Variants in HDX observed in about 807,000 individuals in gnomAD.
HDX encodes the protein chromosome X open reading frame 43.
Under a neutral mutation model 45.2 loss-of-function variants are expected in HDX, and 19 were observed. The ratio of observed to expected loss-of-function variants is 0.42; its 90% CI spans 0.29 to 0.62. The LOEUF (loss-of-function observed/expected upper bound fraction) is 0.62, where lower values mean the gene tolerates loss of function less well. Ranked by LOEUF, HDX falls within the 20% of genes least tolerant of loss-of-function variation. The probability of loss-of-function intolerance (pLI) is 0.20; values close to 1 mark genes in which losing one functional copy is unlikely to be tolerated. For synonymous variants in HDX, 188 were observed against 172.8 expected, an observed-to-expected ratio of 1.09 and a Z score of -0.69; for missense variants, 532 against 493.9, an observed-to-expected ratio of 1.08 and a Z score of -0.73.
intron 5 of HDX, among the ~76,000 whole-genome samples, chrX:84,413,798 C>T (rs1162018044): frequency 9.0e-6 from 1 of 111,070 alleles, no homozygotes; most frequent in Non-Finnish European, 1.9e-5. Context: ...ACTGAGATTC[C>T]TAGAAATCTT....
chrX:84,325,793 C>A (rs1372928696), intron 10 of HDX, among the ~76,000 whole-genome samples: 3 of 111,429 alleles, frequency 2.7e-5, no homozygotes, highest in Non-Finnish European at 5.7e-5. Context: ...AAATTAAGAT[C>A]CAGAAGAGAT....
intron 5 of HDX, among the ~76,000 whole-genome samples, chrX:84,406,277 G>A (rs186875658): frequency 9.0e-6 from 1 of 111,018 alleles, no homozygotes; most frequent in East Asian, 2.8e-4. Flanking sequence ...TTTAAATCCT[G>A]TGAAAATGAA....
chrX:84,422,984 G>T (rs2039298421), intron 5 of HDX, among the ~76,000 whole-genome samples: 1 of 110,034 alleles, frequency 9.1e-6, no homozygotes, highest in Non-Finnish European at 1.9e-5. Context: ...AAACAAAATT[G>T]ACAAACCTTT....
intron 5 of HDX, among the ~76,000 whole-genome samples, chrX:84,395,562 T>G (rs1362030961): frequency 9.0e-6 from 1 of 111,588 alleles, no homozygotes; most frequent in Non-Finnish European, 1.9e-5. Flanking sequence ...AAGACCTTTA[T>G]GCATTGTGAG....
rs200729991 is a variant in HDX, at chrX:84,430,384, GTA to G, written c.1305+10146_1305+10147del. On this transcript the variant is annotated intron_variant, in intron 5 of 10. Transcript: ENST00000373177. ...TTATGGTTGAATAGTATTCAATTGT[GTA>G]TATATACCACATTTTCTTTATCCAT... Among the ~76,000 whole-genome samples the G allele has an allele frequency of 3.1e-3, 341 of 110,991 alleles. 1 individual carries two copies. The highest frequency in any genetic ancestry group is 0.011 in the African/African-American group (325 of 30,734).
chrX:84,342,344 A>G lies in HDX; in HGVS notation c.1660+1906T>C, dbSNP rs147539788. On this transcript the variant is annotated intron_variant, in intron 7 of 10. Coordinates refer to ENST00000373177, the MANE Select transcript of HDX (RefSeq NM_001177479.2). ...CTTAAACAGTTCAAATTGTATGACT[A>G]AACAATTCAAGAATCAATATACTAC... is the stretch of plus-strand genomic sequence containing the variant. Among the ~76,000 whole-genome samples, 337 of 111,916 alleles carry G rather than the reference A, an allele frequency of 3.0e-3. 2 individuals are homozygous for G. The highest frequency in any genetic ancestry group is 0.01 in the African/African-American group (323 of 30,892).
At chrX:84,475,858 G>A (rs1032573789) in intron 2 of HDX, among the ~76,000 whole-genome samples, 17 of 111,397 alleles carry the variant, frequency 1.5e-4, no homozygotes, top group Admixed American at 5.7e-4. Context: ...AAAAGGGTGC[G>A]TTTATTTTTC....
chrX:84,475,460 C>T, intron 2 of HDX, 63 bp from the exon 3 acceptor site: 2 of 671,253 alleles, frequency 3.0e-6, no homozygotes, highest in South Asian at 3.3e-5. Context: ...AGAATTTGTA[C>T]ACCTATTTTT....
chrX:84,475,805 G>T (rs1048857967), intron 2 of HDX, among the ~76,000 whole-genome samples: 1 of 111,488 alleles, frequency 9.0e-6, no homozygotes, highest in Non-Finnish European at 1.9e-5. Context: ...GTCAAGCAAG[G>T]CATCTGGCAT....
At chrX:84,353,751 T>C (rs933755668) in intron 6 of HDX, among the ~76,000 whole-genome samples, 4 of 111,614 alleles carry the variant, frequency 3.6e-5, no homozygotes, top group Non-Finnish European at 7.5e-5. Context: ...CTTTTACTAA[T>C]GTGAGTGGGT....
intron 5 of HDX, among the ~76,000 whole-genome samples, chrX:84,411,786 G>T (rs2038991484): frequency 9.0e-6 from 1 of 111,414 alleles, no homozygotes; most frequent in East Asian, 2.8e-4. Context: ...CACTATTATT[G>T]TGTGGTTATC....
chrX:84,459,082 T>G (rs2040178083), intron 4 of HDX, among the ~76,000 whole-genome samples: 1 of 111,585 alleles, frequency 9.0e-6, no homozygotes, highest in Admixed American at 9.5e-5. Context: ...CAAGAGCAAG[T>G]CTGGAAACTA....
intron 5 of HDX, among the ~76,000 whole-genome samples, chrX:84,402,795 C>T (rs1014943292): frequency 1.8e-4 from 20 of 111,099 alleles, no homozygotes; most frequent in Non-Finnish European, 7.6e-5. Context: ...TATATTCCCA[C>T]GTGCAATAAA....
At chrX:84,411,357 G>A (rs2038981902) in intron 5 of HDX, among the ~76,000 whole-genome samples, 1 of 111,650 alleles carries the variant, frequency 9.0e-6, no homozygotes, top group Non-Finnish European at 1.9e-5. Flanking sequence ...CTGGTATGAT[G>A]TATCTTTGTT....
chrX:84,381,815 A>G (rs2038195367), intron 5 of HDX, among the ~76,000 whole-genome samples: 1 of 110,989 alleles, frequency 9.0e-6, no homozygotes, highest in African/African-American at 3.3e-5. Flanking sequence ...GCATAATACC[A>G]CACGAGCACA....
intron 5 of HDX, among the ~76,000 whole-genome samples, chrX:84,423,056 A>C (rs2039301924): frequency 9.0e-6 from 1 of 111,353 alleles, no homozygotes; most frequent in South Asian, 3.7e-4. Context: ...AATTAAAAAT[A>C]AGACATTACA....
chrX:84,391,598 C>T (rs1251466688), intron 5 of HDX, among the ~76,000 whole-genome samples: 2 of 111,282 alleles, frequency 1.8e-5, no homozygotes, highest in African/African-American at 3.3e-5. Context: ...TTCTCTGCAT[C>T]CTCACTAACA....
At chrX:84,334,672 C>CAAAA in intron 8 of HDX, among the ~76,000 whole-genome samples, 1 of 51,718 alleles carries the variant, frequency 1.9e-5, no homozygotes, top group Non-Finnish European at 3.9e-5. Flanking sequence ...AAAAAAAAAG[C>CAAAA]AAAAAAAAAA....
chrX:84,349,230 T>C (rs774827565), intron 6 of HDX, among the ~76,000 whole-genome samples: 30 of 110,946 alleles, frequency 2.7e-4, no homozygotes, highest in African/African-American at 9.8e-4. Flanking sequence ...TGGTTTGCCC[T>C]GTACCTTCAC....
Sources: gnomAD v4.1 joint callset for allele counts (sites outside exome capture counted in the v4.1 genomes callset) on GRCh38, gnomAD v4.1.1 for gene constraint, MANE v1.5 for transcripts, NCBI Gene and HGNC (gene_info 2026-07-23, HGNC 2026-07-21) for gene names.